The following CEP89 variants were observed in gnomAD, a reference collection of about 807,000 sequenced individuals.
The protein encoded by CEP89 is centrosomal protein 89.
Under a neutral mutation model 97.6 loss-of-function variants are expected in CEP89, and 95 were observed. The ratio of observed to expected loss-of-function variants is 0.97; its 90% confidence interval spans 0.82 to 1.15. The LOEUF (loss-of-function observed/expected upper bound fraction) is 1.15. CEP89 is among the 50% of genes most tolerant of loss of function. The pLI is 0.00. For synonymous variants in CEP89, 354 were observed against 349.1 expected, an observed-to-expected ratio of 1.01 and a Z score of -0.16; for missense variants, 869 against 947.7, an observed-to-expected ratio of 0.92 and a Z score of 1.09.
chr19:32,935,971 C>T (rs889535640), intron 7 of CEP89, among the ~76,000 whole-genome samples: 10 of 152,166 alleles, frequency 6.6e-5, no homozygotes, highest in Non-Finnish European at 1.5e-4. Context: ...CATCAGGAGC[C>T]GGGGACAAGC....
chr19:32,954,014 G>GC (rs1265312471), intron 3 of CEP89, among the ~76,000 whole-genome samples: 1 of 151,770 alleles, frequency 6.6e-6, no homozygotes, highest in Non-Finnish European at 1.5e-5. Flanking sequence ...GACTACAGGT[G>GC]CCCACCACCG....
intron 14 of CEP89, among the ~76,000 whole-genome samples, chr19:32,911,513 T>C (rs8101667): frequency 0.68 from 103,724 of 152,012 alleles, 35,713 homozygotes; most frequent in African/African-American, 0.75. Context: ...AATAGCCAGG[T>C]GCTATGGCAC....
At chr19:32,965,891 G>A (rs1227545128) in intron 2 of CEP89, 1 of 151,030 alleles carries the variant, frequency 6.6e-6, no homozygotes, top group Non-Finnish European at 1.5e-5. Context: ...GGTGGCATGT[G>A]CCTGTAATCC....
chr19:32,939,243 C>T (rs1970637710), intron 6 of CEP89, among the ~76,000 whole-genome samples: 1 of 152,002 alleles, frequency 6.6e-6, no homozygotes, highest in South Asian at 2.1e-4. Context: ...AGAGGGAGAT[C>T]CTGTCTCAAA....
intron 12 of CEP89, among the ~76,000 whole-genome samples, chr19:32,921,835 G>A (rs4378720): frequency 0.048 from 7,328 of 152,212 alleles, 234 homozygotes; most frequent in South Asian, 0.15. Context: ...CCCACCTGAC[G>A]CATCGGTGAC....
intron 14 of CEP89, among the ~76,000 whole-genome samples, chr19:32,914,084 C>T (rs988441732): frequency 2.0e-5 from 3 of 152,144 alleles, no homozygotes; most frequent in African/African-American, 7.2e-5. Flanking sequence ...AGGAGAACTG[C>T]TTGAGTCCAG....
chr19:32,896,856 A>C (rs1217586008), intron 16 of CEP89, among the ~76,000 whole-genome samples: 4 of 152,160 alleles, frequency 2.6e-5, no homozygotes, highest in Non-Finnish European at 4.4e-5. Flanking sequence ...AAAGTGGGCA[A>C]AGAATCTAAA....
intron 9 of CEP89, among the ~76,000 whole-genome samples, chr19:32,927,488 A>AG (rs1344805570): frequency 6.6e-6 from 1 of 152,072 alleles, no homozygotes; most frequent in Non-Finnish European, 1.5e-5. Flanking sequence ...CTATTTTTTA[A>AG]CCTAACCTAA....
intron 4 of CEP89, among the ~76,000 whole-genome samples, chr19:32,950,440 C>T (rs1302448045): frequency 6.6e-6 from 1 of 152,086 alleles, no homozygotes; most frequent in Non-Finnish European, 1.5e-5. Flanking sequence ...TGCCTGTAAT[C>T]CCAGCTACTC....
At chr19:32,962,367 T>C (rs1971187528) in intron 2 of CEP89, among the ~76,000 whole-genome samples, 1 of 152,160 alleles carries the variant, frequency 6.6e-6, no homozygotes, top group Non-Finnish European at 1.5e-5. Flanking sequence ...GAACTGTGAG[T>C]CAATTAAATC....
Position 32,918,350 on chromosome 19 carries a change from T to C in CEP89, c.1269-11A>G. 6.3e-7 allele frequency: 1 copy of C among 1,590,238 alleles called. No homozygotes were observed. The highest frequency in any genetic ancestry group is 8.6e-7 in the Non-Finnish European group (1 of 1,158,278). On this transcript the variant is annotated splice_polypyrimidine_tract_variant and intron_variant, in intron 12 of 18. Coordinates refer to ENST00000305768, the MANE Select transcript of CEP89 (RefSeq NM_032816.5). ...GTCTGAAGCTGACGCCTGCAATTGA[T>C]TTACAAGATGAAATACTGTGATTCA...
intron 12 of CEP89, among the ~76,000 whole-genome samples, chr19:32,919,419 G>C (rs777510126): frequency 6.6e-6 from 1 of 152,214 alleles, no homozygotes; most frequent in Non-Finnish European, 1.5e-5. Flanking sequence ...TTTTCCACTT[G>C]AAACCCTACA....
chr19:32,953,516 A>G, intron 4 of CEP89, 99 bp downstream of exon 4: 1 of 934,512 alleles, frequency 1.1e-6, no homozygotes, highest in Non-Finnish European at 1.6e-6. Context: ...ATGCTATCAA[A>G]TGCAGAATAG....
chr19:32,919,172 A>T (rs755028535), intron 12 of CEP89, among the ~76,000 whole-genome samples: 7 of 152,030 alleles, frequency 4.6e-5, no homozygotes, highest in Non-Finnish European at 8.8e-5. Flanking sequence ...GGCATGAGCC[A>T]CCGCGTCCAG....
intron 8 of CEP89, 93 bp downstream of exon 8, chr19:32,933,358 A>G: frequency 2.1e-6 from 2 of 972,334 alleles, no homozygotes; most frequent in Non-Finnish European, 3.1e-6. Context: ...ATAAATTACC[A>G]ACACAAATAT....
intron 13 of CEP89, chr19:32,917,921 C>CT (rs1970161940): frequency 2.8e-6 from 1 of 360,386 alleles, no homozygotes; most frequent in African/African-American, 2.2e-5. Context: ...GTTTACCTCA[C>CT]GTGATCATTC....
intron 3 of CEP89, among the ~76,000 whole-genome samples, chr19:32,954,558 G>T (rs1971006024): frequency 6.6e-6 from 1 of 151,272 alleles, no homozygotes; most frequent in African/African-American, 2.4e-5. Flanking sequence ...TCACCATGTT[G>T]TCCAGGCTGG....
At chr19:32,951,534 T>TACACAC (rs60580377) in intron 4 of CEP89, among the ~76,000 whole-genome samples, 8,976 of 121,612 alleles carry the variant, frequency 0.074, 396 homozygotes, top group Non-Finnish European at 0.1. Flanking sequence ...TATATATATA[T>TACACAC]ACACACACAC....
At chr19:32,910,608 AAC>A (rs1373301287) in intron 14 of CEP89, among the ~76,000 whole-genome samples, 7 of 152,204 alleles carry the variant, frequency 4.6e-5, no homozygotes, top group Non-Finnish European at 1.0e-4. Context: ...CACAGCTTAA[AAC>A]ACACATTGTA....
Sources: allele counts gnomAD v4.1 joint callset (sites outside exome capture counted in the v4.1 genomes callset), GRCh38; gene constraint gnomAD v4.1.1; transcripts MANE v1.5; gene names NCBI Gene and HGNC (gene_info 2026-07-23, HGNC 2026-07-21).